The following SLC28A2 variants were observed in gnomAD, a reference collection of about 807,000 sequenced individuals.
SLC28A2 encodes sodium/nucleoside cotransporter 2.
In SLC28A2, 69 loss-of-function variants were observed where a neutral mutation model predicts 72.9. The observed-to-expected ratio is 0.95, with a 90% CI of 0.78 to 1.16. The LOEUF (loss-of-function observed/expected upper bound fraction) is 1.16, where lower values mean the gene tolerates loss of function less well. SLC28A2 is among the 50% of genes most tolerant of loss of function. SLC28A2 has a pLI of 0.00. For missense variants in SLC28A2, 745 were observed against 791.1 expected (o/e 0.94, Z 0.70); for synonymous variants, 296 against 294.1 (o/e 1.01, Z -0.07).
At chr15:45,262,996 G>A in intron 4 of SLC28A2, 65 bp from the exon 5 acceptor site, 2 of 1,384,592 alleles carry the variant, frequency 1.4e-6, no homozygotes, top group South Asian at 1.3e-5. Flanking sequence ...ATTCATGACT[G>A]GAGTTTCATT....
Position 45,262,248 on chromosome 15 carries a change from T to G in SLC28A2, c.262+142T>G, listed in dbSNP as rs527251106. 2.3e-4 allele frequency: 140 copies of G among 614,888 alleles called. 2 individuals are homozygous for G. The South Asian group carries it at 2.7e-3, about 12-fold the overall frequency. The allele number at this position is 614,888 out of a possible 1,614,324, so 38.1% of individuals were successfully genotyped here. On this transcript the variant is annotated intron_variant, in intron 4 of 17. Coordinates refer to ENST00000347644, the MANE Select transcript of SLC28A2 (RefSeq NM_004212.4). ...TTGATGTATCAATCTTAACTACTTG[T>G]AGGTGCACCATAATGTATTGAATTG...
At chr15:45,273,389 T>C (rs1393396003) in intron 17 of SLC28A2, among the ~76,000 whole-genome samples, 1 of 152,080 alleles carries the variant, frequency 6.6e-6, no homozygotes, top group Non-Finnish European at 1.5e-5. Context: ...GAAGAGGATA[T>C]GTCATTAAGC....
intron 6 of SLC28A2, 157 bp from the exon 7 acceptor site, chr15:45,264,496 CCT>C (rs772160033): frequency 7.3e-5 from 44 of 602,976 alleles, no homozygotes; most frequent in Non-Finnish European, 1.2e-4. Context: ...ATATTACTGC[CCT>C]GTTTCTCCCT....
chr15:45,257,386 G>A (rs183488619), intron 3 of SLC28A2, among the ~76,000 whole-genome samples: 1 of 152,184 alleles, frequency 6.6e-6, no homozygotes, highest in East Asian at 1.9e-4. Context: ...CCCTATACTG[G>A]ACTGTAAATA....
intron 15 of SLC28A2, chr15:45,271,737 G>A (rs1900579322): frequency 6.6e-6 from 1 of 152,110 alleles, no homozygotes; most frequent in South Asian, 2.1e-4. Context: ...TTAATTGAAA[G>A]GTGAAATAAT....
In SLC28A2 at chr15:45,277,210, T is replaced by C. The variant is rs1900777208; in HGVS notation, c.*1697T>C. ...TTCAAAATATTTTAGATATTTATTA[T>C]ATTTAATATTATTTATTATATTAAT... On this transcript the variant is annotated 3_prime_UTR_variant, in exon 18 of 18. Transcript: ENST00000347644. 1 of 149,254 alleles carries C rather than the reference T, an allele frequency of 6.7e-6. No homozygotes were observed. Among genetic ancestry groups the C allele is most frequent in the South Asian group, 2.1e-4 (1 of 4,812 alleles). The allele number at this position is 149,254 out of a possible 1,614,324, so 9.2% of individuals were successfully genotyped here.
rs563447900 is a variant in SLC28A2 at position 45,264,124 on chromosome 15, C to T, written c.588+102C>T. ...AAGTGTTAATTACAAGGGCATAGAA[C>T]TAGTTCATAACAACCCCTAGAATTT... On this transcript the variant is annotated intron_variant, in intron 6 of 17. Transcript: ENST00000347644. The T allele has an allele frequency of 2.4e-4, 266 of 1,123,222 alleles. 2 individuals carry two copies. The South Asian group carries it at 5.3e-3, about 22-fold the overall frequency. The allele number at this position is 1,123,222 out of a possible 1,614,324, so 69.6% of individuals were successfully genotyped here. A position where few individuals can be genotyped will look rare whatever the true frequency, so the allele number is the denominator to read the frequency against.
At position 45,275,737 on chromosome 15, in the gene SLC28A2, C is replaced by T. The variant is rs1265142693; in HGVS notation, c.*224C>T. The T allele has an allele frequency of 2.5e-6, 1 of 399,602 alleles. No homozygotes were observed. Among genetic ancestry groups the T allele is most frequent in the Non-Finnish European group, 4.6e-6 (1 of 219,494 alleles). The allele number at this position is 399,602 out of a possible 1,614,324, so 24.8% of individuals were successfully genotyped here. A position where few individuals can be genotyped will look rare whatever the true frequency, so the allele number is the denominator to read the frequency against. ...GATCACAAGGTCAGGAGATCGAGAC[C>T]ATCCTGGCTAACACAGTGAAACCCC... is the stretch of plus-strand genomic sequence containing the variant. On this transcript the variant is annotated 3_prime_UTR_variant, in exon 18 of 18. Transcript: ENST00000347644.
intron 11 of SLC28A2, 38 bp downstream of exon 11, chr15:45,267,618 G>C: frequency 6.2e-7 from 1 of 1,613,960 alleles, no homozygotes; most frequent in Non-Finnish European, 8.5e-7. Context: ...GGGTGAACTC[G>C]AGTTGGGTTT....
In SLC28A2 at chr15:45,263,128, C is replaced by T. The variant is rs2140567454; in HGVS notation, c.330C>T (p.Ile110=). The change falls in exon 5 of 18, where the codon ATC becomes ATT. Residue 110 remains isoleucine (I), a synonymous_variant. Coordinates refer to ENST00000347644, the MANE Select transcript of SLC28A2 (RefSeq NM_004212.4). Reference sequence around the variant, plus strand: ...AGAGGGCACTGGCCTTGTTTGTCATCACCTGCTTGGTGATCTTTGTCCTGG... The same window carrying T: ...AGAGGGCACTGGCCTTGTTTGTCATTACCTGCTTGGTGATCTTTGTCCTGG... ...NFQRALALFV[I]TCLVIFVLVH... 1 of 1,614,044 alleles carries T rather than the reference C, an allele frequency of 6.2e-7. No homozygotes were observed. Among genetic ancestry groups the T allele is most frequent in the East Asian group, 2.2e-5 (1 of 44,884 alleles).
chr15:45,265,279 T>C, intron 8 of SLC28A2, 113 bp downstream of exon 8: 1 of 785,734 alleles, frequency 1.3e-6, no homozygotes, highest in Non-Finnish European at 2.3e-6. Flanking sequence ...AATTTGACCC[T>C]AACAAGAGGG....
At chr15:45,253,682 T>TAAA in intron 3 of SLC28A2, 162 bp downstream of exon 3, 1 of 493,114 alleles carries the variant, frequency 2.0e-6, no homozygotes, top group South Asian at 3.2e-5. Context: ...ATAAACTCCA[T>TAAA]AAAAAAAAAG....
Position 45,263,136 on chromosome 15 carries a change from T to C in SLC28A2, c.338T>C (p.Leu113Ser), listed in dbSNP as rs906357136. The C allele has an allele frequency of 3.7e-6, 6 of 1,613,498 alleles. No individual in the cohort carries two copies. The Admixed American group carries it at 5.0e-5, about 13-fold the overall frequency. ...RALALFVITC[L>S]VIFVLVHSFL... ...CTGGCCTTGTTTGTCATCACCTGCT[T>C]GGTGATCTTTGTCCTGGTTCACTCG... Residue 113 changes from leucine (L) to serine (S), a missense_variant, in exon 5 of 18, where the codon TTG (leucine) becomes TCG (serine). Transcript: ENST00000347644.
At chr15:45,268,863 T>C (rs553991500) in intron 13 of SLC28A2, among the ~76,000 whole-genome samples, 6 of 152,126 alleles carry the variant, frequency 3.9e-5, no homozygotes, top group African/African-American at 1.4e-4. Context: ...TCACGTCCTT[T>C]GTAGGGACAT....
chr15:45,269,901 T>G (rs535215613), intron 14 of SLC28A2, among the ~76,000 whole-genome samples: 1 of 152,208 alleles, frequency 6.6e-6, no homozygotes, highest in African/African-American at 2.4e-5. Context: ...TTAATATTCT[T>G]TTTCTTTCCC....
chr15:45,269,311 T>G, intron 13 of SLC28A2, 27 bp from the exon 14 acceptor site: 1 of 1,601,006 alleles, frequency 6.2e-7, no homozygotes. Flanking sequence ...GTCCTTCCTT[T>G]TCCTGTGATA....
At chr15:45,258,496 C>T (rs1005506122) in intron 3 of SLC28A2, among the ~76,000 whole-genome samples, 1 of 152,114 alleles carries the variant, frequency 6.6e-6, no homozygotes, top group Non-Finnish European at 1.5e-5. Flanking sequence ...TTTCAGTCAG[C>T]CTCCCTAAGG....
In SLC28A2 at chr15:45,265,464, A is replaced by G. The variant is rs1900302642; in HGVS notation, c.781-119A>G. ...AATGTATCCCTAAACTAGTTTGTGT[A>G]GGTACTGAATACCTACACTGTATGA... On this transcript the variant is annotated intron_variant, in intron 8 of 17. Coordinates refer to ENST00000347644, the MANE Select transcript of SLC28A2 (RefSeq NM_004212.4). 5 of 756,536 alleles carry G rather than the reference A, an allele frequency of 6.6e-6. No homozygotes were observed. The Middle Eastern group carries it at 9.8e-4, about 148-fold the overall frequency. 46.9% of individuals were successfully genotyped at this position (756,536 alleles called of 1,614,324 possible).
At chr15:45,267,636 A>G in intron 11 of SLC28A2, 30 bp from the exon 12 acceptor site, 1 of 1,613,974 alleles carries the variant, frequency 6.2e-7, no homozygotes, top group Non-Finnish European at 8.5e-7. Context: ...TTTGATAGAA[A>G]CACTGATGCC....
Sources: gnomAD v4.1 joint callset for allele counts (sites outside exome capture counted in the v4.1 genomes callset) on GRCh38, gnomAD v4.1.1 for gene constraint, MANE v1.5 for transcripts, NCBI Gene and HGNC (gene_info 2026-07-23, HGNC 2026-07-21) for gene names.